DDX27: variants seen among roughly 807,000 people sequenced by gnomAD.
The protein encoded by DDX27 is probable ATP-dependent RNA helicase DDX27.
In DDX27, 42 loss-of-function variants were observed where a neutral mutation model predicts 99.3. The observed-to-expected ratio is 0.42, with a 90% CI of 0.33 to 0.55. DDX27 has a LOEUF of 0.55. Ranked by LOEUF, DDX27 falls within the 20% of genes least tolerant of loss-of-function variation. The pLI, the probability that DDX27 is intolerant of heterozygous loss-of-function variation, is 0.07. For missense variants in DDX27, 798 were observed against 976.8 expected (o/e 0.82, Z 2.44); for synonymous variants, 329 against 353.8 (o/e 0.93, Z 0.79).
At chr20:49,235,964 C>G in intron 12 of DDX27, 186 bp from the exon 13 acceptor site, 1 of 430,234 alleles carries the variant, frequency 2.3e-6, no homozygotes, top group Non-Finnish European at 4.2e-6. Context: ...AGGATGGTCT[C>G]GATCTCCTGA....
chr20:49,232,980 G>A (rs988293854), intron 9 of DDX27, among the ~76,000 whole-genome samples: 2 of 151,332 alleles, frequency 1.3e-5, no homozygotes, highest in African/African-American at 4.9e-5. Context: ...GAATTTGAAC[G>A]TGGCCTGTGC....
At chr20:49,237,165 CT>C (rs1980334106) in intron 14 of DDX27, among the ~76,000 whole-genome samples, 1 of 151,696 alleles carries the variant, frequency 6.6e-6, no homozygotes, top group South Asian at 2.1e-4. Context: ...AGCTGCCTGT[CT>C]CTAAAAAAAA....
At chr20:49,240,594 A>G (rs1264855244) in intron 16 of DDX27, among the ~76,000 whole-genome samples, 2 of 152,020 alleles carry the variant, frequency 1.3e-5, no homozygotes, top group African/African-American at 4.8e-5. Context: ...CACCTGGGTA[A>G]TTTTTTGTAT....
chr20:49,220,996 C>T (rs1017364927), intron 1 of DDX27, among the ~76,000 whole-genome samples: 1 of 152,142 alleles, frequency 6.6e-6, no homozygotes, highest in Admixed American at 6.5e-5. Context: ...GAGTCTTGCT[C>T]GGTCGCCCAG....
intron 11 of DDX27, chr20:49,234,312 G>A (rs1980232245): frequency 6.6e-6 from 1 of 151,708 alleles, no homozygotes; most frequent in Non-Finnish European, 1.5e-5. Context: ...CGCCCAGGCT[G>A]GAGTACACTG....
At chr20:49,237,392 T>A (rs1235206399) in intron 14 of DDX27, among the ~76,000 whole-genome samples, 1 of 152,206 alleles carries the variant, frequency 6.6e-6, no homozygotes, top group Non-Finnish European at 1.5e-5. Context: ...AAAATGTAAT[T>A]CTGTGTCAAA....
intron 2 of DDX27, among the ~76,000 whole-genome samples, 154 bp from the exon 3 acceptor site, chr20:49,222,803 G>A (rs989809073): frequency 1.3e-5 from 2 of 152,068 alleles, no homozygotes; most frequent in South Asian, 2.1e-4. Flanking sequence ...GTGAGCCACC[G>A]CGCCCGGCCT....
intron 1 of DDX27, among the ~76,000 whole-genome samples, chr20:49,220,872 G>A (rs745421213): frequency 5.9e-5 from 9 of 152,184 alleles, no homozygotes; most frequent in South Asian, 2.1e-4. Context: ...CTGCTTTCAC[G>A]TGGCTTTCAA....
rs769615897 is a variant in DDX27 at position 49,230,182 on chromosome 20, CTCTCT to C, written c.881-10_881-6del. On this transcript the variant is annotated splice_polypyrimidine_tract_variant and intron_variant, in intron 8 of 20. Coordinates refer to ENST00000618172, the MANE Select transcript of DDX27 (RefSeq NM_017895.8). ...CAGCTGACCTGGCCGCCTGGTGGGG[CTCTCT>C]TCTCTTTGCAGGCGGCTTGGATGTG... 6.2e-7 allele frequency: 1 copy of C among 1,603,480 alleles called. No individual in the cohort carries two copies. The highest frequency in any genetic ancestry group is 8.5e-7 in the Non-Finnish European group (1 of 1,175,658).
chr20:49,241,523 A>G (rs886374513), intron 16 of DDX27, among the ~76,000 whole-genome samples: 6 of 149,956 alleles, frequency 4.0e-5, no homozygotes, highest in African/African-American at 1.5e-4. Context: ...CCCAGGCTGG[A>G]GTGCAGTGGC....
intron 16 of DDX27, among the ~76,000 whole-genome samples, chr20:49,239,720 A>C (rs1208356996): frequency 6.6e-6 from 1 of 152,172 alleles, no homozygotes; most frequent in Non-Finnish European, 1.5e-5. Flanking sequence ...GTTGGGGACC[A>C]CTGTTGTAAA....
At chr20:49,220,844 C>CA (rs371125470) in intron 1 of DDX27, among the ~76,000 whole-genome samples, 18 of 150,912 alleles carry the variant, frequency 1.2e-4, no homozygotes, top group South Asian at 2.1e-4. Flanking sequence ...CAAAACAAAA[C>CA]AAAAAAAACT....
intron 19 of DDX27, among the ~76,000 whole-genome samples, chr20:49,242,964 C>T (rs1980531170): frequency 6.6e-6 from 1 of 152,200 alleles, no homozygotes; most frequent in Non-Finnish European, 1.5e-5. Context: ...TCCTGATCCA[C>T]CCGCCTCAGC....
rs1980392415 is a variant in DDX27, at chr20:49,239,057, T to G, written c.1794+2T>G. On this transcript the variant is annotated splice_donor_variant, in intron 15 of 20. Transcript: ENST00000618172. LOFTEE classifies it high-confidence loss of function. ...GAGATGCAGCAGTCAGAAGCCCAGG[T>G]GAGGCTGCGAGGCGGGATCTTGTTC... 1.2e-6 allele frequency: 2 copies of G among 1,611,866 alleles called. No individual in the cohort carries two copies.
At position 49,221,475 on chromosome 20, in the gene DDX27, A is replaced by T. The variant is rs576621608; in HGVS notation, c.117A>T (p.Arg39=). The T allele has an allele frequency of 6.8e-6, 11 of 1,613,570 alleles. No individual in the cohort carries two copies. The highest frequency in any genetic ancestry group is 2.7e-5 in the African/African-American group (2 of 74,916). ...AGGGGCCCATTGTGCTGGGCAGACG[A>T]CAAAAAGCTTTGGGGAAGAACCGCA... ...EEEGPIVLGR[R]QKALGKNRSA... Residue 39 remains arginine (R), a synonymous_variant, in exon 2 of 21, where the codon CGA becomes CGT. Coordinates refer to ENST00000618172, the MANE Select transcript of DDX27 (RefSeq NM_017895.8).
At chr20:49,241,757 C>T in intron 16 of DDX27, 136 bp from the exon 17 acceptor site, 4 of 931,212 alleles carry the variant, frequency 4.3e-6, no homozygotes, top group Non-Finnish European at 6.7e-6. Flanking sequence ...GCACGAGCTA[C>T]TGCACTCGGC....
intron 7 of DDX27, among the ~76,000 whole-genome samples, chr20:49,226,857 C>CTTTGTTTTTTTT (rs1979908727): frequency 1.6e-5 from 1 of 63,460 alleles, no homozygotes; most frequent in Non-Finnish European, 2.8e-5. Flanking sequence ...GAGTAAAGGA[C>CTTTGTTTTTTTT]TTTTTTTTTT....
At chr20:49,226,304 A>G (rs1027857756) in intron 6 of DDX27, 126 bp from the exon 7 acceptor site, 5 of 620,520 alleles carry the variant, frequency 8.1e-6, no homozygotes, top group African/African-American at 7.4e-5. Flanking sequence ...CGTTCAGTGA[A>G]TGTTTGTGGA....
chr20:49,241,713 C>T (rs1028830596), intron 16 of DDX27, 180 bp from the exon 17 acceptor site: 1 of 659,088 alleles, frequency 1.5e-6, no homozygotes, highest in Non-Finnish European at 2.7e-6. Flanking sequence ...AGGTGATCCA[C>T]CCACCTCAGC....
Sources: allele counts gnomAD v4.1 joint callset (sites outside exome capture counted in the v4.1 genomes callset), GRCh38; gene constraint gnomAD v4.1.1; transcripts MANE v1.5; gene names NCBI Gene and HGNC (gene_info 2026-07-23, HGNC 2026-07-21).